Variants in UVRAG observed in about 807,000 individuals in gnomAD.
UVRAG encodes UV radiation resistance-associated gene protein.
In UVRAG, 19 loss-of-function variants were observed where a neutral mutation model predicts 78.0. The ratio of observed to expected loss-of-function variants is 0.24; its 90% CI spans 0.17 to 0.36. The LOEUF is 0.36. UVRAG is among the 10% of genes least tolerant of loss of function. UVRAG has a pLI of 1.00. For synonymous variants in UVRAG, 323 were observed against 324.6 expected (o/e 1.00, Z 0.05); for missense variants, 740 against 853.8 (o/e 0.87, Z 1.66).
chr11:75,872,307 C>T (rs974233023), intron 3 of UVRAG, among the ~76,000 whole-genome samples: 1 of 151,678 alleles, frequency 6.6e-6, no homozygotes, highest in Non-Finnish European at 1.5e-5. Flanking sequence ...CAGGGGCTGC[C>T]TGGGACATAA....
chr11:76,105,194 T>A lies in UVRAG; in HGVS notation c.1306-10730T>A, dbSNP rs79618341. On this transcript the variant is annotated intron_variant, in intron 13 of 14. Transcript: ENST00000356136. Reference sequence around the variant, plus strand: ...GAGATACAGATGGCAAATAAACATATGAAAAAAGTGCTCAGCTTGGGCGAC... The same window carrying A: ...GAGATACAGATGGCAAATAAACATAAGAAAAAAGTGCTCAGCTTGGGCGAC... 4.9e-3 allele frequency among the ~76,000 whole-genome samples: 745 copies of A among 152,142 alleles called. 6 individuals carry two copies. Among genetic ancestry groups the A allele is most frequent in the Non-Finnish European group, 8.1e-3 (551 of 67,968 alleles).
intron 1 of UVRAG, among the ~76,000 whole-genome samples, chr11:75,824,093 G>A (rs918461762): frequency 5.3e-5 from 8 of 151,952 alleles, no homozygotes; most frequent in Middle Eastern, 3.4e-3. Flanking sequence ...TGGCAAGGCC[G>A]TTCATCTTAT....
intron 13 of UVRAG, among the ~76,000 whole-genome samples, chr11:76,114,524 T>C (rs1952138938): frequency 6.6e-6 from 1 of 152,198 alleles, no homozygotes; most frequent in Non-Finnish European, 1.5e-5. Flanking sequence ...TTTTCCCATC[T>C]GCAAAAGAAA....
chr11:76,123,679 A>G (rs554349894), intron 14 of UVRAG, among the ~76,000 whole-genome samples: 1 of 152,346 alleles, frequency 6.6e-6, no homozygotes, highest in African/African-American at 2.4e-5. Flanking sequence ...AGGAAGGAGC[A>G]CTAGATTTGG....
At chr11:76,042,639 T>C (rs949521686) in intron 12 of UVRAG, among the ~76,000 whole-genome samples, 4 of 152,238 alleles carry the variant, frequency 2.6e-5, no homozygotes, top group African/African-American at 9.6e-5. Context: ...TATGGGGTAC[T>C]GCTGGGAATA....
At chr11:76,088,474 C>G (rs540261772) in intron 13 of UVRAG, among the ~76,000 whole-genome samples, 1 of 150,616 alleles carries the variant, frequency 6.6e-6, no homozygotes, top group African/African-American at 2.4e-5. Flanking sequence ...CACCCCCAAC[C>G]CCCACTTCCG....
At chr11:76,041,052 A>G (rs1481824287) in intron 12 of UVRAG, among the ~76,000 whole-genome samples, 1 of 152,198 alleles carries the variant, frequency 6.6e-6, no homozygotes, top group Non-Finnish European at 1.5e-5. Flanking sequence ...TTTAGCACAT[A>G]AATAGCAAAA....
intron 3 of UVRAG, among the ~76,000 whole-genome samples, chr11:75,876,434 C>A (rs892043251): frequency 6.6e-6 from 1 of 152,100 alleles, no homozygotes; most frequent in African/African-American, 2.4e-5. Context: ...TAGTTACTCC[C>A]AGACCTTATT....
In UVRAG at chr11:75,906,704, G is replaced by T. The variant is rs117252432; in HGVS notation, c.508-5250G>T. Reference sequence around the variant, plus strand: ...TCATTTTGAGGTAATTTAAAAATATGGTATTAAGGACAGGTCCAACTTCAT... The same window carrying T: ...TCATTTTGAGGTAATTTAAAAATATTGTATTAAGGACAGGTCCAACTTCAT... On this transcript the variant is annotated intron_variant, in intron 5 of 14. Transcript: ENST00000356136. Among the ~76,000 whole-genome samples, 114 of 152,220 alleles carry T rather than the reference G, an allele frequency of 7.5e-4. 2 individuals carry two copies. In the East Asian group the frequency reaches 0.021, roughly 28 times the overall value.
chr11:76,059,090 T>C (rs775999541), intron 12 of UVRAG, among the ~76,000 whole-genome samples: 4 of 152,162 alleles, frequency 2.6e-5, no homozygotes, highest in Admixed American at 1.3e-4. Context: ...AGAAGTGACA[T>C]GATAAGAGGT....
intron 13 of UVRAG, among the ~76,000 whole-genome samples, chr11:76,111,865 AC>A (rs1282120869): frequency 2.0e-5 from 3 of 151,798 alleles, no homozygotes; most frequent in African/African-American, 4.8e-5. Context: ...AGATAAACTA[AC>A]GGCCAAAGAT....
intron 7 of UVRAG, among the ~76,000 whole-genome samples, chr11:75,980,679 A>G (rs906241053): frequency 6.7e-6 from 1 of 149,152 alleles, no homozygotes; most frequent in Non-Finnish European, 1.5e-5. Flanking sequence ...GAGTCTGGCT[A>G]GAATTTTTTT....
intron 13 of UVRAG, among the ~76,000 whole-genome samples, chr11:76,105,555 C>T (rs1385689907): frequency 6.6e-6 from 1 of 152,040 alleles, no homozygotes; most frequent in Non-Finnish European, 1.5e-5. Context: ...CAAGACCAGC[C>T]TGGGCAACAT....
At chr11:76,055,236 C>T (rs1950958079) in intron 12 of UVRAG, among the ~76,000 whole-genome samples, 1 of 151,992 alleles carries the variant, frequency 6.6e-6, no homozygotes, top group Admixed American at 6.6e-5. Context: ...TTAGTAGAGA[C>T]AGGATTTTGC....
chr11:76,029,640 G>C (rs991658933), intron 12 of UVRAG, among the ~76,000 whole-genome samples: 12 of 152,272 alleles, frequency 7.9e-5, no homozygotes, highest in Middle Eastern at 3.4e-3. Flanking sequence ...TGCATCTTAT[G>C]GATGAGCAAA....
intron 2 of UVRAG, among the ~76,000 whole-genome samples, chr11:75,860,552 G>A (rs1473707355): frequency 6.6e-6 from 1 of 152,108 alleles, no homozygotes; most frequent in Non-Finnish European, 1.5e-5. Context: ...TAGGATATAT[G>A]TATATGTATA....
chr11:76,112,376 T>C (rs1412236255), intron 13 of UVRAG, among the ~76,000 whole-genome samples: 1 of 152,234 alleles, frequency 6.6e-6, no homozygotes, highest in African/African-American at 2.4e-5. Flanking sequence ...GGAATAGTTA[T>C]ATTTTCAAAT....
chr11:75,870,723 TC>T (rs559656164), intron 3 of UVRAG, among the ~76,000 whole-genome samples: 150 of 152,264 alleles, frequency 9.9e-4, no homozygotes, highest in Non-Finnish European at 1.7e-3. Flanking sequence ...TGTTGTTTTT[TC>T]CCTTGTTGGA....
intron 6 of UVRAG, among the ~76,000 whole-genome samples, chr11:75,928,961 A>AAAAG (rs1555089145): frequency 0.011 from 1,530 of 142,542 alleles, 104 homozygotes; most frequent in African/African-American, 0.036. Flanking sequence ...AAAAAAAAAA[A>AAAAG]AAAGAATTGA....
Sources: gnomAD v4.1 joint callset for allele counts (sites outside exome capture counted in the v4.1 genomes callset) on GRCh38, gnomAD v4.1.1 for gene constraint, MANE v1.5 for transcripts, NCBI Gene and HGNC (gene_info 2026-07-23, HGNC 2026-07-21) for gene names.